Variants in MYO16 observed in about 807,000 individuals in gnomAD.
The protein encoded by MYO16 is unconventional myosin-XVI.
MYO16 carries 94 observed loss-of-function variants against 205.3 expected under a neutral mutation model. The observed-to-expected ratio is 0.46, with a 90% CI of 0.39 to 0.54. The LOEUF (loss-of-function observed/expected upper bound fraction) is 0.54, where lower values mean the gene tolerates loss of function less well. MYO16 is among the 20% of genes least tolerant of loss of function. The probability of loss-of-function intolerance (pLI) is 0.00; values close to 1 mark genes in which losing one functional copy is unlikely to be tolerated. For missense variants in MYO16, 2,315 were observed against 2,387.5 expected, an observed-to-expected ratio of 0.97 and a Z score of 0.63; for synonymous variants, 988 against 954.0, an observed-to-expected ratio of 1.04 and a Z score of -0.66.
At chr13:109,032,715 A>G (rs1886582651) in intron 23 of MYO16, among the ~76,000 whole-genome samples, 1 of 152,204 alleles carries the variant, frequency 6.6e-6, no homozygotes, top group South Asian at 2.1e-4. Flanking sequence ...ACTGACAGAC[A>G]CACATGCATA....
intron 32 of MYO16, among the ~76,000 whole-genome samples, chr13:109,147,334 A>T (rs1160075052): frequency 6.6e-6 from 1 of 152,206 alleles, no homozygotes. Context: ...TAGCGACAAG[A>T]TGCAGGATGC....
In MYO16 at chr13:109,140,897, C is replaced by T. The variant is rs777772987; in HGVS notation, c.4685C>T (p.Pro1562Leu). Reference sequence around the variant, plus strand: ...CCGGAGGGGTCGAGCCCGCTGTCCCCGCAGTACTCCAAGAGCCAGAAGGGC... The same window carrying T: ...CCGGAGGGGTCGAGCCCGCTGTCCCTGCAGTACTCCAAGAGCCAGAAGGGC... ...VQPEGSSPLS[P>L]QYSKSQKGDG... Residue 1562 changes from proline (P) to leucine (L), a missense_variant, in exon 32 of 35, where the codon CCG (proline) becomes CTG (leucine). Pro to Leu is a moderately conservative substitution (Grantham distance 98). This residue lies in a region of MYO16 where 1,097 missense variants were observed against 1,092.0 expected (regional missense o/e 1.00). Transcript: ENST00000457511. The surrounding 1 kb of genome is among the most constrained non-coding windows in gnomAD (Gnocchi z 8.0). 2.5e-6 allele frequency: 4 copies of T among 1,589,808 alleles called. No homozygotes were observed. In the East Asian group the frequency reaches 7.1e-5, roughly 28 times the overall value.
intron 7 of MYO16, among the ~76,000 whole-genome samples, chr13:108,812,898 AAG>A (rs1887339152): frequency 6.6e-6 from 1 of 152,154 alleles, no homozygotes; most frequent in African/African-American, 2.4e-5. Context: ...ATCTTGAAAG[AAG>A]AGAGACTAAG....
the MYO16 span, among the ~76,000 whole-genome samples, chr13:108,578,536 G>T: frequency 6.6e-6 from 1 of 152,208 alleles, no homozygotes; most frequent in South Asian, 2.1e-4. Context: ...ATCCCTTTTT[G>T]TTTGGTGGGT....
At chr13:108,960,570 C>T (rs1883544121) in intron 17 of MYO16, among the ~76,000 whole-genome samples, 1 of 152,106 alleles carries the variant, frequency 6.6e-6, no homozygotes, top group Non-Finnish European at 1.5e-5. Flanking sequence ...TGTATTGTTT[C>T]CACTGTGTAT....
At chr13:109,056,518 G>T (rs545071179) in intron 27 of MYO16, among the ~76,000 whole-genome samples, 1 of 152,190 alleles carries the variant, frequency 6.6e-6, no homozygotes, top group South Asian at 2.1e-4. Context: ...ACTATTCCAG[G>T]CCTCATCTTT....
intron 28 of MYO16, among the ~76,000 whole-genome samples, chr13:109,106,442 C>T (rs1385660464): frequency 6.6e-6 from 1 of 152,186 alleles, no homozygotes; most frequent in African/African-American, 2.4e-5. Context: ...AGTGACTGGA[C>T]AGCAGTTAGG....
intron 2 of MYO16, among the ~76,000 whole-genome samples, chr13:108,669,892 G>A (rs921861967): frequency 2.6e-5 from 4 of 152,088 alleles, no homozygotes; most frequent in African/African-American, 9.7e-5. Context: ...ACGGACACAG[G>A]GAGGGGAACA....
intron 12 of MYO16, among the ~76,000 whole-genome samples, chr13:108,873,803 C>A (rs1481047391): frequency 1.3e-5 from 2 of 151,904 alleles, no homozygotes; most frequent in Non-Finnish European, 2.9e-5. Context: ...AGGGTCCATG[C>A]CAACCAACCA....
rs951502411 is a variant in MYO16 at position 108,679,400 on chromosome 13, C to A, written c.292+13251C>A. Among the ~76,000 whole-genome samples, 5 of 152,334 alleles carry A rather than the reference C, an allele frequency of 3.3e-5. No homozygotes were observed. The East Asian group carries it at 7.7e-4, about 23-fold the overall frequency. The stretch of plus-strand genomic sequence containing the variant: ...CCTCTCCCAGGAGACTGTAGGTTTA[C>A]ATGAGTAAGAGCTTTCTTTGCTTAG... On this transcript the variant is annotated intron_variant, in intron 2 of 34. Coordinates refer to ENST00000457511, the MANE Select transcript of MYO16 (RefSeq NM_001198950.3).
At position 108,741,155 on chromosome 13, in the gene MYO16, C is replaced by T. The variant is rs147965525; in HGVS notation, c.507+13572C>T. On this transcript the variant is annotated intron_variant, in intron 4 of 34. Coordinates refer to ENST00000457511, the MANE Select transcript of MYO16 (RefSeq NM_001198950.3). ...CACCCACTGTCCTGCACCCACCATCCGACACGCCCCAGTGAGATGAACTCG... is the reference window on the plus strand; with the variant it reads ...CACCCACTGTCCTGCACCCACCATCTGACACGCCCCAGTGAGATGAACTCG... 3.6e-3 allele frequency among the ~76,000 whole-genome samples: 542 copies of T among 152,226 alleles called. 2 individuals carry two copies. Among genetic ancestry groups the T allele is most frequent in the African/African-American group, 0.012 (509 of 41,540 alleles).
chr13:108,686,910 G>T (rs1415120675), intron 2 of MYO16, among the ~76,000 whole-genome samples: 1 of 152,186 alleles, frequency 6.6e-6, no homozygotes, highest in African/African-American at 2.4e-5. Flanking sequence ...ATGGGTCATG[G>T]GTGGTACAGC....
chr13:108,615,702 G>T (rs993391816), intron 1 of MYO16, among the ~76,000 whole-genome samples: 6 of 152,022 alleles, frequency 3.9e-5, no homozygotes, highest in African/African-American at 1.4e-4. Flanking sequence ...GACACAAAAG[G>T]CCACATATGG....
At chr13:108,596,898 C>T (rs1878583757) in intron 1 of MYO16, among the ~76,000 whole-genome samples, 1 of 152,116 alleles carries the variant, frequency 6.6e-6, no homozygotes, top group African/African-American at 2.4e-5. Context: ...AGCAGGGTGA[C>T]TAAGGTTACA....
At chr13:108,636,359 T>TGTG (rs1326267664) in intron 1 of MYO16, among the ~76,000 whole-genome samples, 100 of 96,936 alleles carry the variant, frequency 1.0e-3, no homozygotes, top group Non-Finnish European at 1.5e-3. Context: ...TTTTTTTTTT[T>TGTG]TTTTTTTTTT....
At chr13:109,003,085 A>C (rs375594575) in intron 21 of MYO16, among the ~76,000 whole-genome samples, 5 of 152,338 alleles carry the variant, frequency 3.3e-5, no homozygotes, top group African/African-American at 1.2e-4. Flanking sequence ...TTTAATGGAC[A>C]CATTACACCA....
chr13:108,865,538 T>G (rs1421215130), intron 11 of MYO16, among the ~76,000 whole-genome samples: 1 of 152,036 alleles, frequency 6.6e-6, no homozygotes, highest in Non-Finnish European at 1.5e-5. Flanking sequence ...TTAGTCTATA[T>G]GTTTAGGATG....
At chr13:108,508,023 C>G in the MYO16 span, among the ~76,000 whole-genome samples, 1 of 151,490 alleles carries the variant, frequency 6.6e-6, no homozygotes, top group Admixed American at 6.6e-5. Context: ...TTAATATTCT[C>G]TTTTTGTTCA....
intron 31 of MYO16, among the ~76,000 whole-genome samples, chr13:109,139,585 G>A (rs12427958): frequency 0.018 from 2,718 of 152,334 alleles, 39 homozygotes; most frequent in South Asian, 0.03. Flanking sequence ...TTATTCGGCC[G>A]GGAGCTTCTG....
Sources: allele counts gnomAD v4.1 joint callset (sites outside exome capture counted in the v4.1 genomes callset), GRCh38; gene constraint gnomAD v4.1.1; regional missense constraint gnomAD v4.1.1; non-coding constraint Gnocchi (gnomAD v3.1); transcripts MANE v1.5; gene names NCBI Gene and HGNC (gene_info 2026-07-23, HGNC 2026-07-21).